LRRTM3: variants seen among roughly 807,000 people sequenced by gnomAD.
The protein encoded by LRRTM3 is leucine rich repeat transmembrane neuronal 3.
A neutral mutation model predicts 44.7 loss-of-function variants in LRRTM3; 24 were observed. The ratio of observed to expected loss-of-function variants is 0.54; its 90% confidence interval spans 0.39 to 0.76. The LOEUF (loss-of-function observed/expected upper bound fraction) is 0.76. Among genes scored for constraint, LRRTM3 ranks in the 30% least tolerant of loss-of-function variants. The pLI is 0.00. For synonymous variants in LRRTM3, 277 were observed against 278.7 expected, an observed-to-expected ratio of 0.99 and a Z score of 0.06; for missense variants, 587 against 702.2, an observed-to-expected ratio of 0.84 and a Z score of 1.85.
chr10:66,967,396 A>G (rs1450887365), intron 2 of LRRTM3, among the ~76,000 whole-genome samples: 2 of 151,866 alleles, frequency 1.3e-5, no homozygotes, highest in Non-Finnish European at 2.9e-5. Context: ...ATATGTGTAT[A>G]TACATATATA....
intron 2 of LRRTM3, among the ~76,000 whole-genome samples, chr10:67,057,971 A>G (rs1034688616): frequency 7.2e-5 from 11 of 152,152 alleles, no homozygotes; most frequent in African/African-American, 2.4e-4. Context: ...TTCCAGAATG[A>G]TAGGCAATCA....
chr10:67,096,202 A>AT (rs968879057), intron 2 of LRRTM3, among the ~76,000 whole-genome samples: 5 of 151,856 alleles, frequency 3.3e-5, no homozygotes, highest in African/African-American at 9.6e-5. Flanking sequence ...GATTAGTTTT[A>AT]TTTTTTATTT....
chr10:67,086,311 A>G lies in LRRTM3; in HGVS notation c.1537-11276A>G, dbSNP rs142472524. On this transcript the variant is annotated intron_variant, in intron 2 of 2. Transcript: ENST00000361320. Reference sequence around the variant, plus strand: ...GTGCAAGATTTTTATGCAACCTGGCAGATGCATACAGAATATCACTTCATT... The same window carrying G: ...GTGCAAGATTTTTATGCAACCTGGCGGATGCATACAGAATATCACTTCATT... 1.8e-3 allele frequency among the ~76,000 whole-genome samples: 276 copies of G among 152,202 alleles called. 3 individuals carry two copies. Among genetic ancestry groups the G allele is most frequent in the African/African-American group, 5.8e-3 (240 of 41,572 alleles).
chr10:66,978,552 AAT>A (rs1554890349), intron 2 of LRRTM3, among the ~76,000 whole-genome samples: 654 of 37,880 alleles, frequency 0.017, 10 homozygotes, highest in African/African-American at 0.035. Context: ...AAAAAAAAAA[AAT>A]ATATATATAT....
At chr10:66,950,424 G>A (rs990286091) in intron 2 of LRRTM3, among the ~76,000 whole-genome samples, 13 of 151,918 alleles carry the variant, frequency 8.6e-5, no homozygotes, top group Middle Eastern at 3.2e-3. Context: ...TTTAATAAAT[G>A]TCTGTTTAAA....
At position 67,025,182 on chromosome 10, in the gene LRRTM3, A is replaced by G. The variant is rs928176730; in HGVS notation, c.1537-72405A>G. On this transcript the variant is annotated intron_variant, in intron 2 of 2. Coordinates refer to ENST00000361320, the MANE Select transcript of LRRTM3 (RefSeq NM_178011.5). Reference sequence around the variant, plus strand: ...GAAGGAAGGAAGGAAGGAAAGAAAGAAAAGAAACCACAAGAAATATTTTTC... The same window carrying G: ...GAAGGAAGGAAGGAAGGAAAGAAAGGAAAGAAACCACAAGAAATATTTTTC... Among the ~76,000 whole-genome samples the G allele has an allele frequency of 3.3e-5, 5 of 151,692 alleles. No homozygotes were observed. The South Asian group carries it at 6.2e-4, about 19-fold the overall frequency.
At chr10:67,085,791 C>A (rs1178531428) in intron 2 of LRRTM3, among the ~76,000 whole-genome samples, 2 of 151,956 alleles carry the variant, frequency 1.3e-5, no homozygotes, top group African/African-American at 2.4e-5. Context: ...AATACGCAAG[C>A]CTGCACAAAC....
rs182509337 is a variant in LRRTM3 at position 67,049,959 on chromosome 10, T to C, written c.1537-47628T>C. Among the ~76,000 whole-genome samples the C allele has an allele frequency of 1.1e-4, 16 of 152,358 alleles. 1 individual carries two copies. Among genetic ancestry groups the C allele is most frequent in the Admixed American group, 9.8e-4 (15 of 15,308 alleles). ...TAAATGTGTTCAGAACTGAGGGATGTATTATTCATAACTTATCTTTAAATG... is the reference window on the plus strand; with the variant it reads ...TAAATGTGTTCAGAACTGAGGGATGCATTATTCATAACTTATCTTTAAATG... On this transcript the variant is annotated intron_variant, in intron 2 of 2. Transcript: ENST00000361320.
chr10:67,028,669 C>A (rs898805378), intron 2 of LRRTM3, among the ~76,000 whole-genome samples: 10 of 146,458 alleles, frequency 6.8e-5, no homozygotes, highest in Admixed American at 2.0e-4. Context: ...AAAAAAAGTT[C>A]TTGGAGTTTA....
chr10:66,978,908 T>C (rs2132868727), intron 2 of LRRTM3, among the ~76,000 whole-genome samples: 1 of 151,262 alleles, frequency 6.6e-6, no homozygotes, highest in South Asian at 2.1e-4. Context: ...TTACTAAATC[T>C]TGACTAGCGA....
At position 67,070,431 on chromosome 10, in the gene LRRTM3, T is replaced by TA. The variant is rs974015273; in HGVS notation, c.1537-27156_1537-27155insA. ...AAACCAATCTCTCTCTATATATATA[T>TA]TTTTTATGTTTGTGTCCCGATTAAG... is the stretch of plus-strand genomic sequence containing the variant. On this transcript the variant is annotated intron_variant, in intron 2 of 2. Transcript: ENST00000361320. Among the ~76,000 whole-genome samples, 180 of 152,268 alleles carry TA rather than the reference T, an allele frequency of 1.2e-3. 1 individual carries two copies. The highest frequency in any genetic ancestry group is 0.011 in the Admixed American group (172 of 15,294).
intron 2 of LRRTM3, among the ~76,000 whole-genome samples, chr10:67,084,971 T>C (rs910027979): frequency 2.6e-5 from 4 of 151,954 alleles, no homozygotes; most frequent in Non-Finnish European, 4.4e-5. Context: ...TATCAAGACA[T>C]GTCAAAGGAG....
chr10:67,007,554 T>TA (rs1361650657), intron 2 of LRRTM3, among the ~76,000 whole-genome samples: 1 of 152,086 alleles, frequency 6.6e-6, no homozygotes, highest in Non-Finnish European at 1.5e-5. Flanking sequence ...ACTTGGAATC[T>TA]AAAATCTTAA....
At chr10:67,047,587 C>T (rs990720147) in intron 2 of LRRTM3, among the ~76,000 whole-genome samples, 2 of 152,216 alleles carry the variant, frequency 1.3e-5, no homozygotes, top group East Asian at 1.9e-4. Flanking sequence ...TTACCTTCAT[C>T]GTTTCAGGCT....
intron 2 of LRRTM3, among the ~76,000 whole-genome samples, chr10:67,051,962 C>T (rs995852418): frequency 3.3e-5 from 5 of 151,082 alleles, no homozygotes; most frequent in African/African-American, 1.2e-4. Context: ...ACCATGTTGG[C>T]CAGGCTGGTC....
chr10:67,070,300 T>A (rs1856369169), intron 2 of LRRTM3, among the ~76,000 whole-genome samples: 1 of 152,178 alleles, frequency 6.6e-6, no homozygotes. Context: ...TCTGAATGAG[T>A]CATTTGTCAG....
rs189407039 is a variant in LRRTM3 at position 67,019,180 on chromosome 10, T to G, written c.1537-78407T>G. The stretch of plus-strand genomic sequence containing the variant: ...TCATAAATATGGGTTACTTCACATT[T>G]GAAACCATTCTTGCCACTTTTCTTT... On this transcript the variant is annotated intron_variant, in intron 2 of 2. Coordinates refer to ENST00000361320, the MANE Select transcript of LRRTM3 (RefSeq NM_178011.5). Among the ~76,000 whole-genome samples the G allele has an allele frequency of 8.5e-5, 13 of 152,340 alleles. No individual in the cohort carries two copies. In the East Asian group the frequency reaches 2.5e-3, roughly 29 times the overall value.
At chr10:66,929,286 A>G (rs1450574328) in intron 2 of LRRTM3, among the ~76,000 whole-genome samples, 1 of 152,206 alleles carries the variant, frequency 6.6e-6, no homozygotes, top group East Asian at 1.9e-4. Context: ...CACACCTCAC[A>G]TTAGTTAGGG....
chr10:66,931,688 G>C (rs1256461203), intron 2 of LRRTM3, among the ~76,000 whole-genome samples: 1 of 151,386 alleles, frequency 6.6e-6, no homozygotes, highest in Non-Finnish European at 1.5e-5. Context: ...ATTTCCTTGG[G>C]AAATATAATT....
Sources: gnomAD v4.1 joint callset for allele counts (sites outside exome capture counted in the v4.1 genomes callset) on GRCh38, gnomAD v4.1.1 for gene constraint, MANE v1.5 for transcripts, NCBI Gene and HGNC (gene_info 2026-07-23, HGNC 2026-07-21) for gene names.